PCSK5: variants seen among roughly 807,000 people sequenced by gnomAD.
The protein encoded by PCSK5 is prohormone convertase 5.
Under a neutral mutation model 233.2 loss-of-function variants are expected in PCSK5, and 129 were observed. The ratio of observed to expected loss-of-function variants is 0.55; its 90% CI spans 0.48 to 0.64. The LOEUF (loss-of-function observed/expected upper bound fraction) is 0.64, where lower values mean the gene tolerates loss of function less well. Among genes scored for constraint, PCSK5 ranks in the 30% least tolerant of loss-of-function variants. PCSK5 has a pLI of 0.00. For synonymous variants in PCSK5, 825 were observed against 879.2 expected, an observed-to-expected ratio of 0.94 and a Z score of 1.09; for missense variants, 2,076 against 2,430.1, an observed-to-expected ratio of 0.85 and a Z score of 3.06.
intron 32 of PCSK5, among the ~76,000 whole-genome samples, chr9:76,325,652 T>TTTTTTTTTTTTTTTTTTTA (rs1829338848): frequency 1.3e-5 from 2 of 152,136 alleles, no homozygotes; most frequent in South Asian, 2.1e-4. Flanking sequence ...TTCTTTTTTT[T>TTTTTTTTTTTTTTTTTTTA]GAGACGGAGT....
chr9:76,080,183 T>A (rs920694471), intron 7 of PCSK5, among the ~76,000 whole-genome samples: 3 of 152,130 alleles, frequency 2.0e-5, no homozygotes, highest in African/African-American at 7.2e-5. Flanking sequence ...GCTTCAGGAC[T>A]CCACCCCAGC....
intron 10 of PCSK5, among the ~76,000 whole-genome samples, chr9:76,148,408 T>C (rs1446529148): frequency 1.3e-5 from 2 of 151,452 alleles, no homozygotes; most frequent in Non-Finnish European, 2.9e-5. Flanking sequence ...TTAATGCCAC[T>C]GCTTTTCTTT....
intron 27 of PCSK5, among the ~76,000 whole-genome samples, chr9:76,297,720 A>T (rs1412573851): frequency 6.6e-6 from 1 of 152,208 alleles, no homozygotes; most frequent in African/African-American, 2.4e-5. Context: ...TTTCGAGGCA[A>T]GAATTTGTTA....
At chr9:76,111,807 AG>A (rs1832227473) in intron 9 of PCSK5, among the ~76,000 whole-genome samples, 1 of 152,236 alleles carries the variant, frequency 6.6e-6, no homozygotes, top group African/African-American at 2.4e-5. Context: ...GCAACCTGGC[AG>A]AACACCTTAT....
At chr9:76,302,293 C>T (rs1587850171) in intron 28 of PCSK5, 76 bp downstream of exon 28, 2 of 677,630 alleles carry the variant, frequency 3.0e-6, no homozygotes, top group East Asian at 1.4e-4. Flanking sequence ...GAGAAATCAC[C>T]CCAAGAAGCT....
intron 1 of PCSK5, among the ~76,000 whole-genome samples, chr9:75,893,677 C>T (rs1234115168): frequency 6.6e-6 from 1 of 152,036 alleles, no homozygotes; most frequent in Admixed American, 6.6e-5. Context: ...TACAAAAGGC[C>T]TTATAGTGAA....
chr9:76,297,671 C>T (rs981279428), intron 27 of PCSK5, among the ~76,000 whole-genome samples: 1 of 152,160 alleles, frequency 6.6e-6, no homozygotes, highest in South Asian at 2.1e-4. Context: ...ATGTTCTATG[C>T]GGAGACAGTC....
chr9:76,330,056 C>T (rs960781939), intron 33 of PCSK5, among the ~76,000 whole-genome samples: 3 of 152,068 alleles, frequency 2.0e-5, no homozygotes, highest in African/African-American at 7.2e-5. Flanking sequence ...TTCCCTACTG[C>T]ATAATTACTA....
intron 13 of PCSK5, 22 bp downstream of exon 13, chr9:76,169,862 A>G (rs756234535): frequency 1.8e-5 from 29 of 1,603,810 alleles, no homozygotes; most frequent in Non-Finnish European, 2.0e-5. Context: ...CTTTCTATAC[A>G]TTGTTCTACT....
intron 36 of PCSK5, among the ~76,000 whole-genome samples, chr9:76,352,243 A>G (rs531022217): frequency 6.6e-5 from 10 of 152,220 alleles, no homozygotes; most frequent in African/African-American, 2.4e-4. Flanking sequence ...TTGCCATGGC[A>G]TTTGTAAACT....
At chr9:76,141,044 C>T (rs944159304) in intron 10 of PCSK5, among the ~76,000 whole-genome samples, 1 of 152,086 alleles carries the variant, frequency 6.6e-6, no homozygotes, top group Non-Finnish European at 1.5e-5. Context: ...TTCTTAATAA[C>T]AACAACTCTT....
rs549339195 is a variant in PCSK5 at position 75,895,486 on chromosome 9, T to C, written c.192+4113T>C. ...TGAAGATTGAATTGTAAGAACCATA[T>C]CATAGCTTTGTAGGCAGGGAAAATG... On this transcript the variant is annotated intron_variant, in intron 1 of 37. Coordinates refer to ENST00000674117, the MANE Select transcript of PCSK5 (RefSeq NM_001372043.1). Among the ~76,000 whole-genome samples the C allele has an allele frequency of 3.7e-4, 57 of 152,348 alleles. 3 individuals carry two copies. In the South Asian group the frequency reaches 0.011, roughly 29 times the overall value.
intron 20 of PCSK5, among the ~76,000 whole-genome samples, chr9:76,219,829 G>A (rs1395577459): frequency 2.6e-5 from 4 of 152,168 alleles, no homozygotes; most frequent in Admixed American, 2.6e-4. Flanking sequence ...GGTTGTCGGC[G>A]CTGCTTTCTG....
intron 3 of PCSK5, among the ~76,000 whole-genome samples, chr9:76,001,331 A>C (rs1178024300): frequency 6.6e-6 from 1 of 152,104 alleles, no homozygotes; most frequent in Non-Finnish European, 1.5e-5. Context: ...ATTAATTGAA[A>C]TATTTCTCTC....
At chr9:76,174,904 T>C in intron 13 of PCSK5, 82 bp from the exon 14 acceptor site, 1 of 1,318,398 alleles carries the variant, frequency 7.6e-7, no homozygotes, top group Non-Finnish European at 1.0e-6. Flanking sequence ...TTGCTTTTTC[T>C]TGAGTGAGAA....
chr9:76,181,703 A>T, intron 16 of PCSK5, 112 bp downstream of exon 16: 1 of 706,090 alleles, frequency 1.4e-6, no homozygotes, highest in Non-Finnish European at 2.4e-6. Context: ...TTCATATCAA[A>T]CAGGATCTAG....
intron 5 of PCSK5, among the ~76,000 whole-genome samples, chr9:76,062,465 G>C (rs1239494854): frequency 1.3e-5 from 2 of 152,178 alleles, no homozygotes; most frequent in Non-Finnish European, 2.9e-5. Flanking sequence ...TGGGCAGGAG[G>C]AGGGAAACAA....
At chr9:76,183,304 GTA>G (rs776097017) in intron 16 of PCSK5, among the ~76,000 whole-genome samples, 3 of 152,014 alleles carry the variant, frequency 2.0e-5, no homozygotes, top group Non-Finnish European at 2.9e-5. Flanking sequence ...CAAGTGGTTT[GTA>G]TATCTCTCTC....
chr9:76,185,933 T>A (rs570385214), intron 17 of PCSK5, among the ~76,000 whole-genome samples: 151 of 152,302 alleles, frequency 9.9e-4, no homozygotes, highest in African/African-American at 3.5e-3. Context: ...TCATGAGAAA[T>A]AAAAGATGAT....
Sources: allele counts gnomAD v4.1 joint callset (sites outside exome capture counted in the v4.1 genomes callset), GRCh38; gene constraint gnomAD v4.1.1; transcripts MANE v1.5; gene names NCBI Gene and HGNC (gene_info 2026-07-23, HGNC 2026-07-21).